The following HNRNPL variants were observed in gnomAD, a reference collection of about 807,000 sequenced individuals.
The protein encoded by HNRNPL is heterogeneous nuclear ribonucleoprotein L.
A neutral mutation model predicts 64.0 loss-of-function variants in HNRNPL; 12 were observed. The ratio of observed to expected loss-of-function variants is 0.19; its 90% CI spans 0.12 to 0.30. The LOEUF is 0.30. Ranked by LOEUF, HNRNPL falls within the 10% of genes least tolerant of loss-of-function variation. The pLI, the probability that HNRNPL is intolerant of heterozygous loss-of-function variation, is 1.00. For synonymous variants in HNRNPL, 385 were observed against 313.0 expected (o/e 1.23, Z -2.43); for missense variants, 484 against 797.4 (o/e 0.61, Z 4.73).
intron 8 of HNRNPL, 56 bp from the exon 9 acceptor site, chr19:38,839,071 C>T: frequency 6.2e-7 from 1 of 1,603,010 alleles, no homozygotes. Context: ...GTCCCCTCTC[C>T]TGCCCCTCCC....
rs144833347 is a variant in HNRNPL at position 38,847,398 on chromosome 19, G to C, written c.304C>G (p.Pro102Ala). ...ATCAGGCCCCTGATGTGGACAACTG[G>C]GGAGGCAGGGGTTTTGTGCGGGTCA... Reference protein sequence around the residue: ...YDDPHKTPASPVVHIRGLIDG... With the variant: ...YDDPHKTPASAVVHIRGLIDG... Residue 102 changes from proline (P) to alanine (A), a missense_variant, in exon 2 of 13, where the codon CCA becomes GCA. This residue lies in a region of HNRNPL where 190 missense variants were observed against 160.1 expected (regional missense o/e 1.19). Transcript: ENST00000221419. 12 of 1,553,206 alleles carry C rather than the reference G, an allele frequency of 7.7e-6. No individual in the cohort carries two copies. The highest frequency in any genetic ancestry group is 1.0e-5 in the Non-Finnish European group (12 of 1,150,710).
chr19:38,848,055 T>C (rs1972360034), intron 1 of HNRNPL, among the ~76,000 whole-genome samples: 1 of 152,212 alleles, frequency 6.6e-6, no homozygotes, highest in African/African-American at 2.4e-5. Flanking sequence ...TGGAAATTAC[T>C]GCCTAGGTCA....
intron 4 of HNRNPL, among the ~76,000 whole-genome samples, 196 bp from the exon 5 acceptor site, chr19:38,844,300 T>G (rs1273365256): frequency 6.6e-6 from 1 of 152,118 alleles, no homozygotes; most frequent in African/African-American, 2.4e-5. Flanking sequence ...CTGCCCCGGG[T>G]GAGCAGTCAC....
chr19:38,843,535 G>T (rs891812249), intron 6 of HNRNPL: 10 of 397,146 alleles, frequency 2.5e-5, no homozygotes, highest in Non-Finnish European at 1.8e-5. Flanking sequence ...TCTCAAAGGA[G>T]CCACTGCTGG....
Position 38,849,817 on chromosome 19 carries a change from G to A in HNRNPL, c.150C>T (p.Gly50=), listed in dbSNP as rs957088917. The change falls in exon 1 of 13, where the codon GGC becomes GGT. Residue 50 remains glycine, a synonymous_variant. Transcript: ENST00000221419. ...TAGGGGCCCGGCCGCCCTCACTGCCGCCGCCGTAGTAGCGGCCACCGCCGC... is the reference window on the plus strand; with the variant it reads ...TAGGGGCCCGGCCGCCCTCACTGCCACCGCCGTAGTAGCGGCCACCGCCGC... ...GGGGGGRYYG[G]GSEGGRAPKR... 9 of 1,287,018 alleles carry A rather than the reference G, an allele frequency of 7.0e-6. No homozygotes were observed. The highest frequency in any genetic ancestry group is 4.7e-5 in the African/African-American group (3 of 64,378). The allele number at this position is 1,287,018 out of a possible 1,614,324, so 79.7% of individuals were successfully genotyped here.
intron 6 of HNRNPL, chr19:38,842,216 C>T (rs911138844): frequency 1.3e-5 from 2 of 153,520 alleles, no homozygotes; most frequent in African/African-American, 4.8e-5. Flanking sequence ...AAGGCCCTCC[C>T]CAAACCAAAT....
chr19:38,845,800 A>C, intron 3 of HNRNPL, 53 bp downstream of exon 3: 1 of 1,590,444 alleles, frequency 6.3e-7, no homozygotes, highest in Non-Finnish European at 8.6e-7. Context: ...GGGGGAGGGA[A>C]TAAGGGGAGA....
rs1241563465 is a variant in HNRNPL, at chr19:38,844,077, C to T, written c.738G>A (p.Arg246=). ...CAGCCCCATTGAGAGAGGCCTTGGC[C>T]CGCTGGGCACTTTGAACTGAGTCAA... is the stretch of plus-strand genomic sequence containing the variant. ...VEFDSVQSAQ[R]AKASLNGADI... Residue 246 remains arginine, a synonymous_variant, in exon 5 of 13, where the codon CGG becomes CGA. Coordinates refer to ENST00000221419, the MANE Select transcript of HNRNPL (RefSeq NM_001533.3). 2 of 1,613,528 alleles carry T rather than the reference C, an allele frequency of 1.2e-6. No homozygotes were observed. Among genetic ancestry groups the T allele is most frequent in the Non-Finnish European group, 1.7e-6 (2 of 1,179,588 alleles).
chr19:38,847,060 C>T lies in HNRNPL; in HGVS notation c.386+256G>A, dbSNP rs138182574. Among the ~76,000 whole-genome samples, 971 of 152,274 alleles carry T rather than the reference C, an allele frequency of 6.4e-3. 3 individuals are homozygous for T. Among genetic ancestry groups the T allele is most frequent in the Middle Eastern group, 0.037 (11 of 294 alleles). ...CTACACTCCAGCCTGGGCCACAAAGCGAGACCTTGCTCTGTCTGAAAAAGA... is the reference window on the plus strand; with the variant it reads ...CTACACTCCAGCCTGGGCCACAAAGTGAGACCTTGCTCTGTCTGAAAAAGA... On this transcript the variant is annotated intron_variant, in intron 2 of 12. Transcript: ENST00000221419.
chr19:38,841,508 G>A, intron 6 of HNRNPL: 5 of 517,336 alleles, frequency 9.7e-6, no homozygotes, highest in South Asian at 7.7e-5. Flanking sequence ...CACCCGGCCT[G>A]GGTTTTGTTA....
chr19:38,848,283 G>A (rs1242984010), intron 1 of HNRNPL, among the ~76,000 whole-genome samples: 1 of 152,106 alleles, frequency 6.6e-6, no homozygotes. Context: ...AGTAGAGACG[G>A]AGTTTTGCCA....
Position 38,845,837 on chromosome 19 carries a change from G to C in HNRNPL, c.624+16C>G, listed in dbSNP as rs1972275287. Reference sequence around the variant, plus strand: ...AAGGAAGGGAGACCTCACAAGAAATGCCTGCTGGCACGTACCGTGGTGATC... The same window carrying C: ...AAGGAAGGGAGACCTCACAAGAAATCCCTGCTGGCACGTACCGTGGTGATC... On this transcript the variant is annotated intron_variant, in intron 3 of 12. Transcript: ENST00000221419. 1 of 1,607,924 alleles carries C rather than the reference G, an allele frequency of 6.2e-7. No homozygotes were observed. The highest frequency in any genetic ancestry group is 8.5e-7 in the Non-Finnish European group (1 of 1,174,346).
chr19:38,841,900 G>C (rs1443387738), intron 6 of HNRNPL: 2 of 362,484 alleles, frequency 5.5e-6, no homozygotes, highest in Admixed American at 3.7e-5. Flanking sequence ...CTGCAGTGCG[G>C]TGGTGCGGTG....
At chr19:38,851,650 G>C (rs953854520), upstream of HNRNPL, among the ~76,000 whole-genome samples, 2 of 152,198 alleles carry the variant, frequency 1.3e-5, no homozygotes, top group Non-Finnish European at 2.9e-5. Flanking sequence ...TGTAATCCCA[G>C]CACTTGGGGA....
chr19:38,850,785 C>T (rs1432586374), upstream of HNRNPL, among the ~76,000 whole-genome samples: 1 of 152,194 alleles, frequency 6.6e-6, no homozygotes, highest in Non-Finnish European at 1.5e-5. Context: ...CAAATCTGAG[C>T]CTTTTCCTCA....
At chr19:38,843,560 C>A (rs1007026436) in intron 6 of HNRNPL, 4 of 460,572 alleles carry the variant, frequency 8.7e-6, no homozygotes, top group African/African-American at 3.9e-5. Flanking sequence ...TAAGGCCGCC[C>A]CCACGCCTCA....
intron 8 of HNRNPL, 61 bp downstream of exon 8, chr19:38,840,035 C>CGTGCT: frequency 6.5e-7 from 1 of 1,543,240 alleles, no homozygotes. Flanking sequence ...GGTTCTTTCC[C>CGTGCT]GTGCTGACTG....
At chr19:38,850,028 C>A (rs570665109), upstream of HNRNPL, 4 of 1,284,192 alleles carry the variant, frequency 3.1e-6, no homozygotes, top group East Asian at 1.2e-4. Context: ...CGTCACCCGC[C>A]GCCCCCACCC....
chr19:38,849,599 G>A (rs958311911), intron 1 of HNRNPL, 101 bp downstream of exon 1: 2 of 1,273,976 alleles, frequency 1.6e-6, no homozygotes, highest in African/African-American at 1.5e-5. Context: ...CGATGGCCTG[G>A]GCGCGTGCGC....
Sources: gnomAD v4.1 joint callset for allele counts (sites outside exome capture counted in the v4.1 genomes callset) on GRCh38, gnomAD v4.1.1 for gene constraint, gnomAD v4.1.1 regional missense constraint, MANE v1.5 for transcripts, NCBI Gene and HGNC (gene_info 2026-07-23, HGNC 2026-07-21) for gene names.